Variants in PAPPA observed in about 807,000 individuals in gnomAD.
PAPPA encodes pappalysin-1.
PAPPA carries 60 observed loss-of-function variants against 164.0 expected under a neutral mutation model. That is an observed-to-expected ratio of 0.37 (90% CI 0.30 to 0.45). The LOEUF is 0.45. PAPPA is among the 20% of genes least tolerant of loss of function. PAPPA has a pLI of 1.00. For synonymous variants in PAPPA, 875 were observed against 814.1 expected (o/e 1.07, Z -1.27); for missense variants, 1,782 against 2,087.3 (o/e 0.85, Z 2.85).
chr9:116,239,998 C>T (rs1844717281), intron 7 of PAPPA, among the ~76,000 whole-genome samples: 1 of 152,164 alleles, frequency 6.6e-6, no homozygotes, highest in Admixed American at 6.5e-5. Context: ...TTTTTCTCCA[C>T]TTGGCTGTCA....
rs1319717666 is a variant in PAPPA, at chr9:116,188,074, C to CCTG, written c.1338_1340dup (p.Ala447dup). 1.9e-6 allele frequency: 3 copies of CCTG among 1,614,088 alleles called. No individual in the cohort carries two copies. The African/African-American group carries it at 4.0e-5, about 22-fold the overall frequency. ...CGGGGATTGCCGCCACCTGCGCCAC[C>CCTG]CTGCCTTCGTGAAGAAGCAGCACAA... On this transcript the variant is annotated inframe_insertion, in exon 2 of 22. Transcript: ENST00000328252.
chr9:116,228,935 G>A (rs1587961967), intron 6 of PAPPA, among the ~76,000 whole-genome samples: 2 of 152,106 alleles, frequency 1.3e-5, no homozygotes, highest in South Asian at 4.1e-4. Context: ...TTGCATGCTT[G>A]TATCTAGTGA....
chr9:116,281,421 C>G (rs953257740), intron 9 of PAPPA, among the ~76,000 whole-genome samples: 1 of 152,110 alleles, frequency 6.6e-6, no homozygotes, highest in African/African-American at 2.4e-5. Flanking sequence ...TGTCCCTTAC[C>G]CTTAAGGGAA....
At chr9:116,336,289 C>A (rs1264464911) in intron 13 of PAPPA, among the ~76,000 whole-genome samples, 1 of 152,072 alleles carries the variant, frequency 6.6e-6, no homozygotes, top group Non-Finnish European at 1.5e-5. Flanking sequence ...GCCCCTGTTA[C>A]CACAGAGGAC....
chr9:116,398,682 C>A lies in PAPPA; in HGVS notation c.*2066C>A. 3.9e-6 allele frequency: 2 copies of A among 510,892 alleles called. No homozygotes were observed. Among genetic ancestry groups the A allele is most frequent in the Non-Finnish European group, 7.2e-6 (2 of 277,052 alleles). The allele number at this position is 510,892 out of a possible 1,614,324, so 31.6% of individuals were successfully genotyped here. A position where few individuals can be genotyped will look rare whatever the true frequency, so the allele number is the denominator to read the frequency against. ...TGCAGTGCTGAGATAGTTTATGAGA[C>A]TTGTACCATTTCACAAACTCTGAAA... is the stretch of plus-strand genomic sequence containing the variant. On this transcript the variant is annotated 3_prime_UTR_variant, in exon 22 of 22. Transcript: ENST00000328252.
chr9:116,180,947 T>C (rs774739350), intron 1 of PAPPA, among the ~76,000 whole-genome samples: 15 of 152,184 alleles, frequency 9.9e-5, no homozygotes, highest in Non-Finnish European at 2.2e-4. Context: ...ATAGTACCTA[T>C]TGTAGCAGAT....
At chr9:116,214,606 G>A (rs577729619) in intron 4 of PAPPA, among the ~76,000 whole-genome samples, 57 of 152,272 alleles carry the variant, frequency 3.7e-4, no homozygotes, top group Admixed American at 3.3e-3. Flanking sequence ...GCCTAATTCA[G>A]TAGGCAGGCT....
intron 7 of PAPPA, among the ~76,000 whole-genome samples, chr9:116,245,930 C>T (rs551875912): frequency 1.3e-5 from 2 of 152,262 alleles, no homozygotes; most frequent in Non-Finnish European, 2.9e-5. Flanking sequence ...TCTCATCCAC[C>T]ATATTTTCTA....
intron 9 of PAPPA, among the ~76,000 whole-genome samples, chr9:116,279,392 A>G (rs1479328538): frequency 6.6e-6 from 1 of 152,042 alleles, no homozygotes; most frequent in African/African-American, 2.4e-5. Context: ...ACCGGTTAGG[A>G]TCAAGCTTGC....
intron 4 of PAPPA, among the ~76,000 whole-genome samples, chr9:116,217,410 A>T (rs770693284): frequency 1.1e-4 from 17 of 152,172 alleles, no homozygotes; most frequent in Non-Finnish European, 2.4e-4. Flanking sequence ...TGTGCCTTAA[A>T]GTACACAGCC....
At chr9:116,302,375 C>T (rs770463221) in intron 9 of PAPPA, among the ~76,000 whole-genome samples, 22 of 152,018 alleles carry the variant, frequency 1.4e-4, no homozygotes, top group Non-Finnish European at 2.6e-4. Context: ...TGAAAAGCAA[C>T]TCTCCATTTC....
chr9:116,154,189 G>A lies in PAPPA; in HGVS notation c.17G>A (p.Trp6Ter). 2 of 1,486,592 alleles carry A rather than the reference G, an allele frequency of 1.3e-6. No individual in the cohort carries two copies. Among genetic ancestry groups the A allele is most frequent in the Non-Finnish European group, 8.9e-7 (1 of 1,119,008 alleles). 92.1% of individuals were successfully genotyped at this position (1,486,592 alleles called of 1,614,324 possible). Residue 6 changes from tryptophan (W) to a stop codon, truncating the protein, a stop_gained, in exon 1 of 22, where the codon TGG becomes TAG. Coordinates refer to ENST00000328252, the MANE Select transcript of PAPPA (RefSeq NM_002581.5). LOFTEE classifies it high-confidence loss of function. This position sits in a 1 kb window ranked among gnomAD's most constrained non-coding sequence, Gnocchi z 5.2. The stretch of plus-strand genomic sequence containing the variant: ...CCGTCGGACATGCGGCTCTGGAGTT[G>A]GGTGCTGCACCTGGGGCTGCTGAGC... MRLWS[W>*]VLHLGLLSAA...
intron 1 of PAPPA, among the ~76,000 whole-genome samples, chr9:116,162,876 C>T (rs771435090): frequency 6.6e-6 from 1 of 152,096 alleles, no homozygotes; most frequent in Non-Finnish European, 1.5e-5. Flanking sequence ...TTATTGCTGT[C>T]ATCTTAACAT....
At chr9:116,356,270 T>C (rs1185788071) in intron 17 of PAPPA, among the ~76,000 whole-genome samples, 1 of 152,222 alleles carries the variant, frequency 6.6e-6, no homozygotes, top group South Asian at 2.1e-4. Flanking sequence ...ACTTTTCTTG[T>C]GTATAAAATG....
At chr9:116,181,997 G>T (rs945686383) in intron 1 of PAPPA, among the ~76,000 whole-genome samples, 1 of 152,212 alleles carries the variant, frequency 6.6e-6, no homozygotes, top group Non-Finnish European at 1.5e-5. Flanking sequence ...AGGAGGCCAC[G>T]CCTTTAAACA....
At chr9:116,227,257 T>C (rs1222189301) in intron 5 of PAPPA, among the ~76,000 whole-genome samples, 174 bp from the exon 6 acceptor site, 2 of 152,116 alleles carry the variant, frequency 1.3e-5, no homozygotes, top group African/African-American at 4.8e-5. Flanking sequence ...TGCTGGGCAA[T>C]GGGGAGGCAT....
At chr9:116,326,939 T>C (rs1347123362) in intron 10 of PAPPA, among the ~76,000 whole-genome samples, 1 of 152,260 alleles carries the variant, frequency 6.6e-6, no homozygotes, top group East Asian at 1.9e-4. Flanking sequence ...TCAAGTAATA[T>C]TCCATTGTGT....
intron 7 of PAPPA, among the ~76,000 whole-genome samples, chr9:116,264,781 A>G (rs1845047406): frequency 6.6e-6 from 1 of 152,196 alleles, no homozygotes; most frequent in African/African-American, 2.4e-5. Flanking sequence ...TAATTGATGC[A>G]GAGGTAGATG....
chr9:116,277,002 G>A (rs912377109), intron 9 of PAPPA, among the ~76,000 whole-genome samples: 7 of 151,642 alleles, frequency 4.6e-5, no homozygotes, highest in South Asian at 4.2e-4. Context: ...AAGATGAATC[G>A]CCACGTCTTC....
Sources: allele counts gnomAD v4.1 joint callset (sites outside exome capture counted in the v4.1 genomes callset), GRCh38; gene constraint gnomAD v4.1.1; non-coding constraint Gnocchi (gnomAD v3.1); transcripts MANE v1.5; gene names NCBI Gene and HGNC (gene_info 2026-07-23, HGNC 2026-07-21).